ULK4: variants seen among roughly 807,000 people sequenced by gnomAD.
The protein encoded by ULK4 is unc-51 like kinase 4.
Under a neutral mutation model 160.6 loss-of-function variants are expected in ULK4, and 133 were observed. The ratio of observed to expected loss-of-function variants is 0.83; its 90% CI spans 0.72 to 0.96. ULK4 has a LOEUF of 0.96. ULK4 is among the 40% of genes least tolerant of loss of function. ULK4 has a pLI of 0.00. For missense variants in ULK4, 1,580 were observed against 1,499.5 expected (o/e 1.05, Z -0.89); for synonymous variants, 534 against 539.8 (o/e 0.99, Z 0.15).
At chr3:41,667,042 T>C (rs1175308690) in intron 29 of ULK4, among the ~76,000 whole-genome samples, 2 of 151,990 alleles carry the variant, frequency 1.3e-5, no homozygotes, top group Non-Finnish European at 2.9e-5. Flanking sequence ...TAGTACTAGC[T>C]ATTCAGGAGG....
chr3:41,812,192 G>A (rs572154829), intron 19 of ULK4, among the ~76,000 whole-genome samples: 1 of 152,274 alleles, frequency 6.6e-6, no homozygotes, highest in South Asian at 2.1e-4. Context: ...GGCTGAGGTG[G>A]GAAAATTACT....
At chr3:41,783,355 G>A (rs1348989148) in intron 21 of ULK4, among the ~76,000 whole-genome samples, 3 of 151,962 alleles carry the variant, frequency 2.0e-5, no homozygotes, top group Non-Finnish European at 4.4e-5. Flanking sequence ...TGGTCAACAT[G>A]GCAAAACTCT....
chr3:41,250,149 C>T (rs954599530), intron 35 of ULK4, among the ~76,000 whole-genome samples: 2 of 152,120 alleles, frequency 1.3e-5, no homozygotes, highest in Admixed American at 1.3e-4. Context: ...CAGAATCATA[C>T]ACTCTCAGGG....
At chr3:41,799,127 G>GT (rs1553655999) in intron 20 of ULK4, among the ~76,000 whole-genome samples, 1 of 152,138 alleles carries the variant, frequency 6.6e-6, no homozygotes, top group Non-Finnish European at 1.5e-5. Context: ...AGAACACAAA[G>GT]TAAGAAACTG....
At chr3:41,487,461 CAAT>C (rs1425737977) in intron 32 of ULK4, among the ~76,000 whole-genome samples, 3 of 151,938 alleles carry the variant, frequency 2.0e-5, no homozygotes, top group African/African-American at 7.2e-5. Flanking sequence ...TCCAATACTA[CAAT>C]AATAAAAATG....
At chr3:41,891,733 T>C (rs1383012494) in intron 16 of ULK4, among the ~76,000 whole-genome samples, 1 of 151,992 alleles carries the variant, frequency 6.6e-6, no homozygotes, top group African/African-American at 2.4e-5. Context: ...CGGTAAAACC[T>C]CATCTCTACA....
At chr3:41,824,451 C>T (rs1337166503) in intron 18 of ULK4, among the ~76,000 whole-genome samples, 1 of 152,112 alleles carries the variant, frequency 6.6e-6, no homozygotes, top group Non-Finnish European at 1.5e-5. Flanking sequence ...CCTGGAAAAT[C>T]GGGTCACTCG....
intron 20 of ULK4, among the ~76,000 whole-genome samples, chr3:41,790,795 A>T (rs2040129431): frequency 6.6e-6 from 1 of 152,200 alleles, no homozygotes; most frequent in Non-Finnish European, 1.5e-5. Context: ...CTAGGAACTT[A>T]AAATTTTATG....
At chr3:41,610,538 G>C (rs939976181) in intron 31 of ULK4, among the ~76,000 whole-genome samples, 2 of 152,152 alleles carry the variant, frequency 1.3e-5, no homozygotes, top group Non-Finnish European at 2.9e-5. Context: ...TTCCTTAAAT[G>C]TAATGTGACT....
chr3:41,523,567 T>A (rs1212134756), intron 32 of ULK4, among the ~76,000 whole-genome samples: 1 of 152,168 alleles, frequency 6.6e-6, no homozygotes, highest in Non-Finnish European at 1.5e-5. Flanking sequence ...TGGATTTTTT[T>A]AAAAACCACA....
chr3:41,250,863 G>C (rs912464690), intron 35 of ULK4: 2 of 152,188 alleles, frequency 1.3e-5, no homozygotes, highest in African/African-American at 4.8e-5. Flanking sequence ...GTGTTCAAAA[G>C]ACTACTGCTT....
intron 35 of ULK4, among the ~76,000 whole-genome samples, chr3:41,295,593 A>G (rs550811394): frequency 1.5e-5 from 2 of 131,912 alleles, no homozygotes; most frequent in East Asian, 3.9e-4. Context: ...AACAGTAAGA[A>G]AACAGTTGAT....
At chr3:41,415,030 C>G (rs568641357) in intron 34 of ULK4, among the ~76,000 whole-genome samples, 2 of 152,220 alleles carry the variant, frequency 1.3e-5, no homozygotes, top group African/African-American at 4.8e-5. Context: ...TAGGTAAGCT[C>G]AACCTTGCCT....
Position 41,755,267 on chromosome 3 carries a change from G to C in ULK4, c.2194-779C>G, listed in dbSNP as rs1241205055. ...CCTAACAGTAACACTGTGTGTCCAA[G>C]ACAGATTTAAGAAGCTCATTTTTTT... On this transcript the variant is annotated intron_variant, in intron 21 of 36. Transcript: ENST00000301831. Among the ~76,000 whole-genome samples the C allele has an allele frequency of 5.3e-5, 8 of 152,214 alleles. No individual in the cohort carries two copies. In the East Asian group the frequency reaches 1.5e-3, roughly 29 times the overall value.
rs2040414327 is a variant in ULK4 at position 41,800,153 on chromosome 3, A to G, written c.1989T>C (p.Ser663=). Residue 663 remains serine (S), a synonymous_variant, in exon 20 of 37, where the codon TCT becomes TCC. Coordinates refer to ENST00000301831, the MANE Select transcript of ULK4 (RefSeq NM_017886.4). ...WYLFRHSTAD[S]LRITAVSALC... ...TTACCGATACTGCTGTTATCCTAAG[A>G]GAATCAGCAGTGGAGTGTCTGAATA... 1 of 1,611,324 alleles carries G rather than the reference A, an allele frequency of 6.2e-7. No homozygotes were observed. The highest frequency in any genetic ancestry group is 8.5e-7 in the Non-Finnish European group (1 of 1,179,374).
intron 34 of ULK4, among the ~76,000 whole-genome samples, chr3:41,424,058 T>TG (rs1020224688): frequency 2.0e-4 from 31 of 151,740 alleles, no homozygotes; most frequent in African/African-American, 7.5e-4. Flanking sequence ...GGGGCAGGGG[T>TG]GGCTACCATC....
At chr3:41,605,452 G>T (rs879494151) in intron 31 of ULK4, among the ~76,000 whole-genome samples, 3 of 151,862 alleles carry the variant, frequency 2.0e-5, no homozygotes, top group Non-Finnish European at 4.4e-5. Context: ...CTGCAGTGGT[G>T]ATATTAATAT....
chr3:41,681,639 G>T lies in ULK4; in HGVS notation c.2847C>A (p.Leu949=). 1 of 1,613,662 alleles carries T rather than the reference G, an allele frequency of 6.2e-7. No homozygotes were observed. Among genetic ancestry groups the T allele is most frequent in the Non-Finnish European group, 8.5e-7 (1 of 1,179,946 alleles). ...LVQSQNVEWR[L]FSLRLLSETT... ...TTTCTGAGAGCAACCGCAAGCTAAA[G>T]AGTCTCCACTCCACTTGAAAGAAAA... The change falls in exon 29 of 37, where the codon CTC becomes CTA. Residue 949 remains leucine, a synonymous_variant. Transcript: ENST00000301831.
rs538971495 is a variant in ULK4 at position 41,491,369 on chromosome 3, TA to T, written c.3227-28117del. On this transcript the variant is annotated intron_variant, in intron 32 of 36. Coordinates refer to ENST00000301831, the MANE Select transcript of ULK4 (RefSeq NM_017886.4). ...AAACTGCCAAAGAAGGTAAAGTAAC[TA>T]GAAGCAACAATGACCACGACCATAT... is the stretch of plus-strand genomic sequence containing the variant. Among the ~76,000 whole-genome samples, 104 of 152,052 alleles carry T rather than the reference TA, an allele frequency of 6.8e-4. No homozygotes were observed. In the South Asian group the frequency reaches 0.012, roughly 18 times the overall value.
Sources: gnomAD v4.1 joint callset for allele counts (sites outside exome capture counted in the v4.1 genomes callset) on GRCh38, gnomAD v4.1.1 for gene constraint, MANE v1.5 for transcripts, NCBI Gene and HGNC (gene_info 2026-07-23, HGNC 2026-07-21) for gene names.